The following ANK2 variants were observed in gnomAD, a reference collection of about 807,000 sequenced individuals.
ANK2 encodes ankyrin-2.
In ANK2, 83 loss-of-function variants were observed where a neutral mutation model predicts 360.5. That is an observed-to-expected ratio of 0.23 (90% CI 0.19 to 0.28). ANK2 has a LOEUF of 0.28. Among genes scored for constraint, ANK2 ranks in the 10% least tolerant of loss-of-function variants. ANK2 has a pLI of 1.00. For synonymous variants in ANK2, 1,740 were observed against 1,759.5 expected (o/e 0.99, Z 0.28); for missense variants, 4,201 against 4,795.7 (o/e 0.88, Z 3.66).
chr4:113,351,717 T>TAA (rs36097202), intron 37 of ANK2, among the ~76,000 whole-genome samples: 3 of 147,770 alleles, frequency 2.0e-5, no homozygotes, highest in Non-Finnish European at 3.0e-5. Context: ...GCTCAGTTGT[T>TAA]AAAAAAAAAA....
At chr4:113,168,731 A>G (rs908389822) in intron 1 of ANK2, among the ~76,000 whole-genome samples, 4 of 152,248 alleles carry the variant, frequency 2.6e-5, no homozygotes, top group African/African-American at 7.2e-5. Flanking sequence ...AAAAAATCCT[A>G]GTATATCCAG....
At chr4:112,988,729 T>G (rs2045764391) in intron 2 of ANK2, among the ~76,000 whole-genome samples, 3 of 152,346 alleles carry the variant, frequency 2.0e-5, no homozygotes, top group South Asian at 2.1e-4. Context: ...CTTTATCTTA[T>G]TGGAACCTAG....
At chr4:113,317,515 G>C in intron 24 of ANK2, 192 bp from the exon 25 acceptor site, 1 of 638,410 alleles carries the variant, frequency 1.6e-6, no homozygotes, top group Middle Eastern at 4.2e-4. Flanking sequence ...TTGAGCGGTA[G>C]GAACCTGTCA....
chr4:112,730,487 AT>A, the ANK2 span, among the ~76,000 whole-genome samples: 1 of 150,988 alleles, frequency 6.6e-6, no homozygotes, highest in African/African-American at 2.4e-5. Context: ...AATACAAAAA[AT>A]TAGCTGGGTA....
intron 1 of ANK2, among the ~76,000 whole-genome samples, chr4:113,126,143 T>C (rs2095647322): frequency 1.3e-5 from 2 of 152,220 alleles, no homozygotes; most frequent in Non-Finnish European, 2.9e-5. Context: ...ATTCTCACTT[T>C]TCTTTTAGGT....
At chr4:112,802,764 T>TAAAACA in the ANK2 span, among the ~76,000 whole-genome samples, 2 of 152,134 alleles carry the variant, frequency 1.3e-5, no homozygotes, top group African/African-American at 4.8e-5. Flanking sequence ...ACATAGGAGT[T>TAAAACA]AAAACAAAAA....
At chr4:113,151,795 A>G (rs573661018) in intron 1 of ANK2, among the ~76,000 whole-genome samples, 3 of 151,930 alleles carry the variant, frequency 2.0e-5, no homozygotes, top group Non-Finnish European at 4.4e-5. Context: ...GCTGGGCACC[A>G]TGGCTCACAC....
intron 1 of ANK2, among the ~76,000 whole-genome samples, chr4:113,148,678 G>A (rs767960274): frequency 1.3e-5 from 2 of 152,160 alleles, no homozygotes; most frequent in Non-Finnish European, 2.9e-5. Context: ...TTGAATGCTG[G>A]CGATTTAACG....
intron 2 of ANK2, among the ~76,000 whole-genome samples, chr4:112,993,840 A>G (rs1035986852): frequency 7.2e-5 from 11 of 151,786 alleles, no homozygotes; most frequent in African/African-American, 2.7e-4. Flanking sequence ...CTGAATAGCC[A>G]GGATTACAGG....
chr4:113,313,219 G>A (rs1337088401), intron 24 of ANK2, among the ~76,000 whole-genome samples: 3 of 152,176 alleles, frequency 2.0e-5, no homozygotes, highest in Non-Finnish European at 4.4e-5. Flanking sequence ...TGAATAAAGT[G>A]TAATGTTCAT....
intron 2 of ANK2, among the ~76,000 whole-genome samples, chr4:113,020,566 G>A (rs984323054): frequency 6.6e-5 from 10 of 152,078 alleles, no homozygotes; most frequent in Non-Finnish European, 1.3e-4. Context: ...GCTGGCTCAC[G>A]CCTGTAATCC....
intron 1 of ANK2, chr4:112,882,065 T>C (rs2076838812): frequency 2.7e-6 from 1 of 372,730 alleles, no homozygotes; most frequent in East Asian, 5.0e-5. Flanking sequence ...CTCCTCAGGC[T>C]CTCATCGGTT....
intron 1 of ANK2, among the ~76,000 whole-genome samples, chr4:112,844,291 C>T (rs1176478966): frequency 6.6e-6 from 1 of 152,204 alleles, no homozygotes; most frequent in Non-Finnish European, 1.5e-5. Flanking sequence ...CATAGGGTGG[C>T]AATGCAATCT....
At chr4:113,064,838 C>T (rs1477123292) in intron 1 of ANK2, among the ~76,000 whole-genome samples, 1 of 3,438 alleles carries the variant, frequency 2.9e-4, no homozygotes, top group African/African-American at 1.1e-3. Flanking sequence ...TTCTGTAGAA[C>T]TTCTAACAAA....
At chr4:112,868,161 G>A (rs1379535431) in intron 1 of ANK2, among the ~76,000 whole-genome samples, 1 of 152,110 alleles carries the variant, frequency 6.6e-6, no homozygotes, top group African/African-American at 2.4e-5. Context: ...AAATGATGTT[G>A]AGCATTTTTT....
chr4:112,772,134 A>G, the ANK2 span, among the ~76,000 whole-genome samples: 5 of 152,140 alleles, frequency 3.3e-5, no homozygotes, highest in Non-Finnish European at 7.3e-5. Flanking sequence ...ATAAAGACAT[A>G]CCCGAGACTG....
intron 2 of ANK2, among the ~76,000 whole-genome samples, chr4:113,192,393 C>G (rs1000727430): frequency 3.3e-5 from 5 of 152,170 alleles, no homozygotes; most frequent in Non-Finnish European, 7.4e-5. Context: ...ACCAAAACCC[C>G]TCAAAATCAA....
intron 9 of ANK2, among the ~76,000 whole-genome samples, chr4:113,248,793 C>T (rs2044429658): frequency 6.6e-6 from 1 of 152,166 alleles, no homozygotes. Context: ...ACCATCCATT[C>T]TCTGTGATTT....
At chr4:112,940,858 G>A (rs1388996882) in intron 2 of ANK2, among the ~76,000 whole-genome samples, 1 of 152,040 alleles carries the variant, frequency 6.6e-6, no homozygotes, top group African/African-American at 2.4e-5. Flanking sequence ...AGCCGAACAG[G>A]GATTCTCGTG....
Sources: allele counts gnomAD v4.1 joint callset (sites outside exome capture counted in the v4.1 genomes callset), GRCh38; gene constraint gnomAD v4.1.1; transcripts MANE v1.5; gene names NCBI Gene and HGNC (gene_info 2026-07-23, HGNC 2026-07-21).